Variants in LRP4 observed in about 807,000 individuals in gnomAD.
The protein encoded by LRP4 is low-density lipoprotein receptor-related protein 4.
LRP4 carries 95 observed loss-of-function variants against 220.3 expected under a neutral mutation model. The ratio of observed to expected loss-of-function variants is 0.43; its 90% confidence interval spans 0.37 to 0.51. LRP4 has a LOEUF of 0.51. Ranked by LOEUF, LRP4 falls within the 20% of genes least tolerant of loss-of-function variation. The pLI is 0.00. For missense variants in LRP4, 1,925 were observed against 2,567.0 expected, an observed-to-expected ratio of 0.75 and a Z score of 5.40; for synonymous variants, 903 against 954.6, an observed-to-expected ratio of 0.95 and a Z score of 1.00.
Position 46,896,203 on chromosome 11 carries a change from C to A in LRP4, c.1048+7G>T, listed in dbSNP as rs148557097. ...ATGGGCCAGGTCCGCCCACTGGGGA[C>A]ACTCACGGCAATTCTGCTGTGGGCT... On this transcript the variant is annotated splice_region_variant and intron_variant, in intron 9 of 37. Coordinates refer to ENST00000378623, the MANE Select transcript of LRP4 (RefSeq NM_002334.4). The A allele has an allele frequency of 2.7e-3, 4,375 of 1,613,712 alleles. 10 individuals carry two copies. The highest frequency in any genetic ancestry group is 3.3e-3 in the Non-Finnish European group (3,908 of 1,179,982).
In LRP4 at chr11:46,864,535, C is replaced by T. The variant is rs755223289; in HGVS notation, c.5156G>A (p.Gly1719Glu). 1 of 1,606,120 alleles carries T rather than the reference C, an allele frequency of 6.2e-7. No homozygotes were observed. Among genetic ancestry groups the T allele is most frequent in the Non-Finnish European group, 8.5e-7 (1 of 1,172,836 alleles). ...GGCGTAGCTGATATGAAGTCCTTCC[C>T]CTAGGAAGAATAGAGAAACACTAGG... Reference protein sequence around the residue: ...RSNDAVPAAPGEGLHISYAIG... With the variant: ...RSNDAVPAAPEEGLHISYAIG... Residue 1719 changes from glycine to glutamate, a missense_variant and splice_region_variant, in exon 36 of 38, where the codon GGG becomes GAG. By Grantham distance (98) the Gly-to-Glu change is moderately conservative (BLOSUM62 -2). This residue lies in a region of LRP4 where 1,244 missense variants were observed against 1,624.9 expected (regional missense o/e 0.77). Transcript: ENST00000378623.
In LRP4 at chr11:46,890,075, T is replaced by C; in HGVS notation, c.1961A>G (p.Tyr654Cys). 3 of 1,614,132 alleles carry C rather than the reference T, an allele frequency of 1.9e-6. No homozygotes were observed. Among genetic ancestry groups the C allele is most frequent in the Non-Finnish European group, 2.5e-6 (3 of 1,179,980 alleles). ...FAITVFEDSL[Y>C]WTDWHTKSIN... The stretch of plus-strand genomic sequence containing the variant: ...GCTCTTGGTGTGCCAGTCTGTCCAG[T>C]ACAGGCTGTCTTCAAACACTGTGAT... Residue 654 changes from tyrosine to cysteine, a missense_variant, in exon 15 of 38, where the codon TAC becomes TGC. Around this residue, in one of 3 missense-constraint regions of LRP4, gnomAD observed 269 missense variants for 436.7 expected, o/e 0.62. Transcript: ENST00000378623. This position sits in a 1 kb window ranked among gnomAD's most constrained non-coding sequence, Gnocchi z 5.3.
Position 46,869,064 on chromosome 11 carries a change from G to T in LRP4, c.4761C>A (p.Gly1587=), listed in dbSNP as rs1289895194. 4.3e-6 allele frequency: 7 copies of T among 1,614,110 alleles called. No homozygotes were observed. Among genetic ancestry groups the T allele is most frequent in the Non-Finnish European group, 5.1e-6 (6 of 1,180,044 alleles). ...TTGCCAGCACTGTCTCCTTGTTCCG[G>T]CCTGAGTATTTGTCAACACGCTGGA... ...KSIQRVDKYS[G]RNKETVLANV... Residue 1587 remains glycine, a synonymous_variant, in exon 32 of 38, where the codon GGC becomes GGA. Transcript: ENST00000378623.
Position 46,877,570 on chromosome 11 carries a change from C to T in LRP4, c.3137-231G>A, listed in dbSNP as rs139691374. Among the ~76,000 whole-genome samples, 3,883 of 152,260 alleles carry T rather than the reference C, an allele frequency of 0.026. 161 individuals carry two copies. Among genetic ancestry groups the T allele is most frequent in the African/African-American group, 0.088 (3,661 of 41,534 alleles). On this transcript the variant is annotated intron_variant, in intron 22 of 37. Coordinates refer to ENST00000378623, the MANE Select transcript of LRP4 (RefSeq NM_002334.4). ...GCAGCCTTGACCTCCTGAGCTCAAG[C>T]GATCCTCCCACCTCAGCCCCCTGAG...
intron 8 of LRP4, 86 bp downstream of exon 8, chr11:46,896,783 A>T: frequency 6.3e-7 from 1 of 1,598,974 alleles, no homozygotes; most frequent in Non-Finnish European, 8.6e-7. Flanking sequence ...CCTCAACCCA[A>T]CTGGAAAGAT....
chr11:46,876,762 C>G lies in LRP4; in HGVS notation c.3346G>C (p.Glu1116Gln). 2 of 1,614,162 alleles carry G rather than the reference C, an allele frequency of 1.2e-6. No homozygotes were observed. Among genetic ancestry groups the G allele is most frequent in the Non-Finnish European group, 1.7e-6 (2 of 1,180,034 alleles). The change falls in exon 24 of 38, where the codon GAG becomes CAG. Residue 1116 changes from glutamate (E) to glutamine (Q), a missense_variant. Around this residue, in one of 3 missense-constraint regions of LRP4, gnomAD observed 1,244 missense variants for 1,624.9 expected, o/e 0.77. Coordinates refer to ENST00000378623, the MANE Select transcript of LRP4 (RefSeq NM_002334.4). ...GGCCCACCTGTGGTGATGATGTCCT[C>G]ATGCTGTGAGCCATCCAGATTGGCA... ...SRANLDGSQH[E>Q]DIITTGLQTT... is the part of the protein sequence containing the mutation.
chr11:46,884,116 G>A (rs1592530866), intron 18 of LRP4, 140 bp from the exon 19 acceptor site: 12 of 698,448 alleles, frequency 1.7e-5, no homozygotes, highest in Admixed American at 1.0e-4. Flanking sequence ...GATGCACAAC[G>A]GAAATTTAGT....
intron 13 of LRP4, among the ~76,000 whole-genome samples, chr11:46,892,589 C>G (rs1350822824): frequency 4.9e-5 from 5 of 101,100 alleles, no homozygotes; most frequent in Non-Finnish European, 1.0e-4. Flanking sequence ...TTTTTTTTTT[C>G]GAGACAGAGT....
intron 30 of LRP4, among the ~76,000 whole-genome samples, chr11:46,872,411 C>G (rs931162264): frequency 2.6e-5 from 4 of 152,164 alleles, no homozygotes; most frequent in African/African-American, 4.8e-5. Flanking sequence ...CCCCTTCCCC[C>G]TGCCCTTAGC....
chr11:46,889,945 T>C lies in LRP4; in HGVS notation c.2091A>G (p.Ala697=), dbSNP rs762676246. ...IHTLHPQRQP[A]GKNRCGDNNG... ...CTCACCCGGTGGGCAGTTTTTTACC[T>C]GCAGGTTGGCGCTGGGGGTGCAAGG... The change falls in exon 15 of 38, where the codon GCA becomes GCG. Residue 697 remains alanine (A), a splice_region_variant and synonymous_variant. Coordinates refer to ENST00000378623, the MANE Select transcript of LRP4 (RefSeq NM_002334.4). The C allele has an allele frequency of 2.5e-6, 4 of 1,614,172 alleles. No individual in the cohort carries two copies. Among genetic ancestry groups the C allele is most frequent in the Admixed American group, 3.3e-5 (2 of 60,026 alleles).
intron 34 of LRP4, among the ~76,000 whole-genome samples, chr11:46,867,050 C>G (rs976384513): frequency 1.3e-5 from 2 of 152,198 alleles, no homozygotes; most frequent in African/African-American, 4.8e-5. Context: ...ATGTGACTTA[C>G]AATCAATAGC....
chr11:46,887,826 G>A (rs566238126), intron 16 of LRP4, among the ~76,000 whole-genome samples: 2 of 151,606 alleles, frequency 1.3e-5, no homozygotes, highest in East Asian at 1.9e-4. Context: ...GTGAGACTCT[G>A]TCTCAAAAAC....
At chr11:46,878,711 C>G (rs968814438) in intron 22 of LRP4, among the ~76,000 whole-genome samples, 196 bp downstream of exon 22, 2 of 152,186 alleles carry the variant, frequency 1.3e-5, no homozygotes, top group Non-Finnish European at 1.5e-5. Flanking sequence ...TGCCTCCAGT[C>G]CTTTCTACTT....
At chr11:46,894,964 A>G in intron 11 of LRP4, 145 bp from the exon 12 acceptor site, 1 of 1,030,490 alleles carries the variant, frequency 9.7e-7, no homozygotes, top group Non-Finnish European at 1.5e-6. Flanking sequence ...AAGAGTGGCA[A>G]CCTTTAAACT....
intron 31 of LRP4, 150 bp downstream of exon 31, chr11:46,871,375 T>C: frequency 4.2e-6 from 3 of 708,840 alleles, no homozygotes; most frequent in Non-Finnish European, 7.8e-6. Context: ...CCTACCAACC[T>C]ACCAAGGCTT....
At position 46,875,864 on chromosome 11, in the gene LRP4, G is replaced by C; in HGVS notation, c.3639C>G (p.Pro1213=). 6.2e-7 allele frequency: 1 copy of C among 1,614,056 alleles called. No homozygotes were observed. The highest frequency in any genetic ancestry group is 8.5e-7 in the Non-Finnish European group (1 of 1,179,994). The change falls in exon 26 of 38, where the codon CCC becomes CCG. Residue 1213 remains proline (P), a synonymous_variant. Coordinates refer to ENST00000378623, the MANE Select transcript of LRP4 (RefSeq NM_002334.4). The surrounding 1 kb of genome is among the most constrained non-coding windows in gnomAD (Gnocchi z 4.5). ...AVLINNNLGW[P]NGLTVDKASS... The stretch of plus-strand genomic sequence containing the variant: ...TGGCCTTGTCCACAGTCAGTCCATT[G>C]GGCCATCCTAGGTTGTTGTTGATGA...
chr11:46,885,154 TA>T (rs1260159311), intron 18 of LRP4, among the ~76,000 whole-genome samples: 11 of 149,146 alleles, frequency 7.4e-5, no homozygotes, highest in South Asian at 4.3e-4. Flanking sequence ...CCAGGCTAAT[TA>T]AAAAAAAAAA....
chr11:46,900,832 G>T (rs1941651173), intron 2 of LRP4, among the ~76,000 whole-genome samples: 1 of 151,390 alleles, frequency 6.6e-6, no homozygotes, highest in Non-Finnish European at 1.5e-5. Context: ...TGTCACCCAG[G>T]CTGGAGTGCA....
In LRP4 at chr11:46,868,087, C is replaced by G; in HGVS notation, c.4979G>C (p.Arg1660Thr). The stretch of plus-strand genomic sequence containing the variant: ...GCTCTTTTCACTCATGCCAGTAGCC[C>G]TAGGAGCTGGTGGTACCAGGCCAGG... ...LVPGLVPPAP[R>T]ATGMSEKSPV... Residue 1660 changes from arginine (R) to threonine (T), a missense_variant, in exon 34 of 38, where the codon AGG (arginine) becomes ACG (threonine). Arg to Thr is a moderately conservative substitution (Grantham distance 71). Transcript: ENST00000378623. 6.2e-7 allele frequency: 1 copy of G among 1,614,038 alleles called. No individual in the cohort carries two copies. Among genetic ancestry groups the G allele is most frequent in the Non-Finnish European group, 8.5e-7 (1 of 1,180,012 alleles).
Sources: allele counts gnomAD v4.1 joint callset (sites outside exome capture counted in the v4.1 genomes callset), GRCh38; gene constraint gnomAD v4.1.1; regional missense constraint gnomAD v4.1.1; non-coding constraint Gnocchi (gnomAD v3.1); transcripts MANE v1.5; gene names NCBI Gene and HGNC (gene_info 2026-07-23, HGNC 2026-07-21).